CDH18: variants seen among roughly 807,000 people sequenced by gnomAD.
CDH18 encodes the protein cadherin-18.
A neutral mutation model predicts 67.9 loss-of-function variants in CDH18; 31 were observed. The observed-to-expected ratio is 0.46, with a 90% CI of 0.34 to 0.62. The LOEUF (loss-of-function observed/expected upper bound fraction) is 0.62. Among genes scored for constraint, CDH18 ranks in the 20% least tolerant of loss-of-function variants. CDH18 has a pLI of 0.01. For synonymous variants in CDH18, 362 were observed against 347.2 expected, an observed-to-expected ratio of 1.04 and a Z score of -0.48; for missense variants, 890 against 975.5, an observed-to-expected ratio of 0.91 and a Z score of 1.17.
intron 1 of CDH18, among the ~76,000 whole-genome samples, chr5:20,552,793 G>C (rs1757705228): frequency 6.7e-6 from 1 of 150,348 alleles, no homozygotes; most frequent in Non-Finnish European, 1.5e-5. Context: ...TTGCTCTGTT[G>C]CCCAGGCTGG....
chr5:19,557,751 A>T (rs878920017), intron 8 of CDH18, among the ~76,000 whole-genome samples: 2 of 152,108 alleles, frequency 1.3e-5, no homozygotes, highest in Admixed American at 1.3e-4. Context: ...CAGAAAGTCA[A>T]CAAAGAAACA....
chr5:19,787,509 C>A (rs1775932816), intron 3 of CDH18, among the ~76,000 whole-genome samples: 1 of 151,772 alleles, frequency 6.6e-6, no homozygotes, highest in African/African-American at 2.4e-5. Context: ...TATAAAACAG[C>A]ATTATTTTTA....
intron 2 of CDH18, among the ~76,000 whole-genome samples, chr5:19,916,194 G>A (rs951866038): frequency 1.4e-4 from 21 of 152,064 alleles, no homozygotes; most frequent in African/African-American, 3.9e-4. Flanking sequence ...AGAGCCACAC[G>A]TCCTTTATGC....
At chr5:19,582,262 C>G (rs1743388488) in intron 7 of CDH18, among the ~76,000 whole-genome samples, 1 of 151,798 alleles carries the variant, frequency 6.6e-6, no homozygotes, top group African/African-American at 2.4e-5. Flanking sequence ...TAAAAATACC[C>G]AATACATACA....
chr5:20,290,480 G>A (rs1241824700), intron 1 of CDH18, among the ~76,000 whole-genome samples: 3 of 152,098 alleles, frequency 2.0e-5, no homozygotes, highest in African/African-American at 7.2e-5. Context: ...TAAGTGCTGA[G>A]ATCACAAAAG....
chr5:20,339,841 T>C (rs907738357), intron 1 of CDH18, among the ~76,000 whole-genome samples: 2 of 152,218 alleles, frequency 1.3e-5, no homozygotes, highest in South Asian at 4.1e-4. Flanking sequence ...AAAGATTTTA[T>C]GCAACCCTTG....
chr5:20,501,113 T>C (rs1245727259), intron 1 of CDH18, among the ~76,000 whole-genome samples: 1 of 152,102 alleles, frequency 6.6e-6, no homozygotes, highest in Non-Finnish European at 1.5e-5. Context: ...GTCAATTCTG[T>C]CAACAACTAG....
intron 3 of CDH18, among the ~76,000 whole-genome samples, chr5:19,794,553 CTT>C (rs1325285037): frequency 6.6e-6 from 1 of 152,034 alleles, no homozygotes; most frequent in East Asian, 1.9e-4. Flanking sequence ...AAATTGATCC[CTT>C]TTTTTCTCTC....
intron 3 of CDH18, among the ~76,000 whole-genome samples, chr5:19,764,221 T>C (rs572504788): frequency 2.5e-3 from 383 of 150,882 alleles, no homozygotes; most frequent in African/African-American, 8.4e-3. Context: ...GAGATTTATA[T>C]AGCAATAATC....
At chr5:20,519,776 G>A (rs978890681) in intron 1 of CDH18, among the ~76,000 whole-genome samples, 1 of 151,436 alleles carries the variant, frequency 6.6e-6, no homozygotes, top group Non-Finnish European at 1.5e-5. Flanking sequence ...GTTAGATGAT[G>A]CATTTGCTCT....
At chr5:19,865,021 C>A (rs545985551) in intron 2 of CDH18, among the ~76,000 whole-genome samples, 52 of 152,244 alleles carry the variant, frequency 3.4e-4, no homozygotes, top group African/African-American at 1.2e-3. Flanking sequence ...ATGGGTGAAA[C>A]CTCTGCTGCC....
chr5:20,352,906 T>C (rs1741324909), intron 1 of CDH18, among the ~76,000 whole-genome samples: 1 of 152,224 alleles, frequency 6.6e-6, no homozygotes, highest in South Asian at 2.1e-4. Context: ...CCTCATCTTA[T>C]AATAAGCTAG....
chr5:19,614,269 C>T (rs925383386), intron 5 of CDH18, among the ~76,000 whole-genome samples: 4 of 151,340 alleles, frequency 2.6e-5, no homozygotes, highest in African/African-American at 7.3e-5. Flanking sequence ...CCTCAGGTAT[C>T]AGAAAAGAAG....
intron 2 of CDH18, among the ~76,000 whole-genome samples, chr5:20,100,064 G>C (rs1487752492): frequency 6.6e-6 from 1 of 151,980 alleles, no homozygotes; most frequent in Non-Finnish European, 1.5e-5. Flanking sequence ...GGGATTACAG[G>C]GTGAGCCACC....
chr5:19,590,499 T>TAGATAGATAGACAGACAGAC (rs1554054174), intron 7 of CDH18, among the ~76,000 whole-genome samples: 11 of 151,828 alleles, frequency 7.2e-5, no homozygotes, highest in Admixed American at 2.0e-4. Flanking sequence ...GATAGATAGA[T>TAGATAGATAGACAGACAGAC]AGATAGATAG....
intron 1 of CDH18, among the ~76,000 whole-genome samples, chr5:20,536,069 A>C (rs1029726165): frequency 1.3e-5 from 2 of 152,150 alleles, no homozygotes; most frequent in African/African-American, 4.8e-5. Context: ...TAGTTTTATA[A>C]TTTTTTAAAA....
intron 2 of CDH18, among the ~76,000 whole-genome samples, chr5:19,949,522 A>G (rs550680647): frequency 6.6e-6 from 1 of 152,272 alleles, no homozygotes; most frequent in East Asian, 1.9e-4. Context: ...ATTTCTAAAA[A>G]GAATGTAAGC....
At chr5:20,448,992 A>AATAT (rs34431118) in intron 1 of CDH18, among the ~76,000 whole-genome samples, 2,867 of 148,784 alleles carry the variant, frequency 0.019, 73 homozygotes, top group African/African-American at 0.067. Flanking sequence ...CTGTTGCATG[A>AATAT]ATATATATAT....
chr5:20,460,406 A>AATAC (rs1271520073), intron 1 of CDH18, among the ~76,000 whole-genome samples: 2 of 85,344 alleles, frequency 2.3e-5, no homozygotes, highest in East Asian at 4.4e-4. Flanking sequence ...TACATAAATA[A>AATAC]ATAAATAAAT....
Sources: allele counts gnomAD v4.1 joint callset (sites outside exome capture counted in the v4.1 genomes callset), GRCh38; gene constraint gnomAD v4.1.1; transcripts MANE v1.5; gene names NCBI Gene and HGNC (gene_info 2026-07-23, HGNC 2026-07-21).